The following FUS variants were observed in gnomAD, a reference collection of about 807,000 sequenced individuals.
The protein encoded by FUS is RNA-binding protein FUS.
In FUS, 5 loss-of-function variants were observed where a neutral mutation model predicts 82.7. The observed-to-expected ratio is 0.06, with a 90% CI of 0.03 to 0.13. FUS has a LOEUF of 0.13. Ranked by LOEUF, FUS falls within the 10% of genes least tolerant of loss-of-function variation. The probability of loss-of-function intolerance (pLI) is 1.00; values close to 1 mark genes in which losing one functional copy is unlikely to be tolerated. For synonymous variants in FUS, 281 were observed against 247.4 expected (o/e 1.14, Z -1.27); for missense variants, 512 against 707.8 (o/e 0.72, Z 3.14).
chr16:31,182,979 G>T (rs2079203827), intron 3 of FUS: 2 of 393,326 alleles, frequency 5.1e-6, no homozygotes, highest in African/African-American at 4.1e-5. Context: ...AAAGTGCTGG[G>T]ATTACAGGCG....
chr16:31,180,828 C>T (rs775472622), intron 1 of FUS, among the ~76,000 whole-genome samples: 1 of 152,208 alleles, frequency 6.6e-6, no homozygotes, highest in Non-Finnish European at 1.5e-5. Context: ...ATCGGGGCCG[C>T]CCTCTAGCTT....
At position 31,190,951 on chromosome 16, in the gene FUS, C is replaced by A; in HGVS notation, c.1394-12C>A. ...AATGGGAATATGATAGATCTTGTTT[C>A]TTTTGTCCTAGGGGGTAACTACGGG... is the stretch of plus-strand genomic sequence containing the variant. On this transcript the variant is annotated splice_polypyrimidine_tract_variant and intron_variant, in intron 13 of 14. Coordinates refer to ENST00000254108, the MANE Select transcript of FUS (RefSeq NM_004960.4). 2 of 1,610,490 alleles carry A rather than the reference C, an allele frequency of 1.2e-6. No homozygotes were observed. The highest frequency in any genetic ancestry group is 1.7e-6 in the Non-Finnish European group (2 of 1,177,456).
In FUS at chr16:31,190,981, A is replaced by G; in HGVS notation, c.1412A>G (p.Asp471Gly). 1 of 1,613,242 alleles carries G rather than the reference A, an allele frequency of 6.2e-7. No individual in the cohort carries two copies. Among genetic ancestry groups the G allele is most frequent in the South Asian group, 1.1e-5 (1 of 91,022 alleles). ...GTCCTAGGGGGTAACTACGGGGATGATCGTCGTGGTGGCAGAGGAGGCTAT... is the reference window on the plus strand; with the variant it reads ...GTCCTAGGGGGTAACTACGGGGATGGTCGTCGTGGTGGCAGAGGAGGCTAT... ...GSHMGGNYGD[D>G]RRGGRGGYDR... is the part of the protein sequence containing the mutation. Residue 471 changes from aspartate to glycine, a missense_variant, in exon 14 of 15, where the codon GAT (aspartate) becomes GGT (glycine). By Grantham distance (94) the Asp-to-Gly change is moderately conservative. Transcript: ENST00000254108.
upstream of FUS, chr16:31,180,120 C>A (rs1240245054): frequency 6.5e-7 from 1 of 1,543,142 alleles, no homozygotes; most frequent in Admixed American, 1.9e-5. Flanking sequence ...ACTTAAGCTT[C>A]GACGCAGGAG....
rs766133999 is a variant in FUS, at chr16:31,184,970, T to G, written c.555T>G (p.Ser185Arg). The change falls in exon 6 of 15, where the codon AGT (serine) becomes AGG (arginine). Residue 185 changes from serine (S) to arginine (R), a missense_variant. By Grantham distance (110) the Ser-to-Arg change is moderately radical (BLOSUM62 -1). Around this residue, in one of 6 missense-constraint regions of FUS, gnomAD observed 276 missense variants for 303.3 expected, o/e 0.91. Coordinates refer to ENST00000254108, the MANE Select transcript of FUS (RefSeq NM_004960.4). ...ATGGCCAAGATCAATCCTCCATGAG[T>G]AGTGGTGGTGGCAGTGGTGGCGGTT... ...GNYGQDQSSM[S>R]SGGGSGGGYG... 2 of 1,613,464 alleles carry G rather than the reference T, an allele frequency of 1.2e-6. No individual in the cohort carries two copies.
chr16:31,187,047 C>G (rs953584144), intron 7 of FUS: 1 of 620,682 alleles, frequency 1.6e-6, no homozygotes, highest in African/African-American at 1.8e-5. Context: ...CATCTTTTAC[C>G]AAATGGGTTT....
At chr16:31,182,312 C>T (rs950564123) in intron 1 of FUS, 86 bp from the exon 2 acceptor site, 16 of 1,496,154 alleles carry the variant, frequency 1.1e-5, no homozygotes, top group East Asian at 9.0e-5. Context: ...TTTTATTCAT[C>T]AGTGCTTGAG....
At chr16:31,182,175 G>A (rs1353609078) in intron 1 of FUS, 2 of 567,996 alleles carry the variant, frequency 3.5e-6, no homozygotes, top group Non-Finnish European at 6.4e-6. Context: ...ATTTTTATTA[G>A]AGATGGGGCT....
intron 6 of FUS, chr16:31,185,523 T>C (rs1019456536): frequency 3.5e-6 from 2 of 572,948 alleles, no homozygotes; most frequent in Admixed American, 2.2e-5. Flanking sequence ...GGGAAACCGA[T>C]GATCCCACTC....
At chr16:31,194,115 A>G (rs1285025493), downstream of FUS, 5 of 533,090 alleles carry the variant, frequency 9.4e-6, no homozygotes, top group Non-Finnish European at 1.8e-5. Context: ...TAGCCCTTTC[A>G]GCTTTTTTCC....
At position 31,185,769 on chromosome 16, in the gene FUS, CAG is replaced by C. The variant is rs769536195; in HGVS notation, c.764+591_764+592del. 7.7e-4 allele frequency: 251 copies of C among 325,692 alleles called. 1 individual carries two copies. Among genetic ancestry groups the C allele is most frequent in the East Asian group, 5.1e-4 (10 of 19,678 alleles). 20.2% of individuals were successfully genotyped at this position (325,692 alleles called of 1,614,324 possible). ...CCTTTTGGGCAAAAATATGCTTTGA[CAG>C]TGGTCTCCCACCTATTTGTTCCACT... On this transcript the variant is annotated intron_variant, in intron 6 of 14. Coordinates refer to ENST00000254108, the MANE Select transcript of FUS (RefSeq NM_004960.4).
In FUS at chr16:31,184,350, C is replaced by G. The variant is rs1278465761; in HGVS notation, c.477C>G (p.Asn159Lys). 2 of 1,613,926 alleles carry G rather than the reference C, an allele frequency of 1.2e-6. No individual in the cohort carries two copies. The highest frequency in any genetic ancestry group is 1.7e-5 in the Admixed American group (1 of 59,990). Reference sequence around the variant, plus strand: ...CCCCTCAGGGCTATGGACAGCAGAACCAGTACAACAGCAGCAGTGGTGGTG... The same window carrying G: ...CCCCTCAGGGCTATGGACAGCAGAAGCAGTACAACAGCAGCAGTGGTGGTG... ...YNPPQGYGQQ[N>K]QYNSSSGGGG... is the part of the protein sequence containing the mutation. Residue 159 changes from asparagine to lysine, a missense_variant, in exon 5 of 15, where the codon AAC becomes AAG. Transcript: ENST00000254108.
At position 31,180,311 on chromosome 16, in the gene FUS, C is replaced by T; in HGVS notation, c.13+84C>T. ...CTTTTCGTTTTCAGTGGGACCGGGG[C>T]GGCGATCCCGTGTGGGATTTTTTGG... On this transcript the variant is annotated intron_variant, in intron 1 of 14. Coordinates refer to ENST00000254108, the MANE Select transcript of FUS (RefSeq NM_004960.4). 5.3e-6 allele frequency: 8 copies of T among 1,520,336 alleles called. No individual in the cohort carries two copies. In the East Asian group the frequency reaches 7.2e-5, roughly 14 times the overall value. 94.2% of individuals were successfully genotyped at this position (1,520,336 alleles called of 1,614,324 possible). A position where few individuals can be genotyped will look rare whatever the true frequency, so the allele number is the denominator to read the frequency against.
At chr16:31,188,255 C>T in intron 7 of FUS, 70 bp from the exon 8 acceptor site, 1 of 1,534,540 alleles carries the variant, frequency 6.5e-7, no homozygotes, top group Non-Finnish European at 8.9e-7. Flanking sequence ...CCGTTTTTTC[C>T]TGTTGACTAA....
At position 31,184,438 on chromosome 16, in the gene FUS, C is replaced by CTT. The variant is rs370126678; in HGVS notation, c.523+58_523+59dup. On this transcript the variant is annotated intron_variant, in intron 5 of 14. Transcript: ENST00000254108. ...TTTGTCTGCAGCCCATTTTCTTTTT[C>CTT]TTTTTTTTTTTTTTTTTGAGACGGA... 5.7e-3 allele frequency: 6,879 copies of CTT among 1,201,714 alleles called. 41 individuals are homozygous for CTT. The highest frequency in any genetic ancestry group is 0.036 in the African/African-American group (2,063 of 58,012). The allele number at this position is 1,201,714 out of a possible 1,614,324, so 74.4% of individuals were successfully genotyped here.
chr16:31,189,209 C>A lies in FUS; in HGVS notation c.919C>A (p.Gln307Lys). Reference protein sequence around the residue: ...TIESVADYFKQIGIIKTNKKT... With the variant: ...TIESVADYFKKIGIIKTNKKT... Reference sequence around the variant, plus strand: ...TGAGTCTGTGGCTGATTACTTCAAGCAGATTGGTATTATTAAGGTACTTGT... The same window carrying A: ...TGAGTCTGTGGCTGATTACTTCAAGAAGATTGGTATTATTAAGGTACTTGT... Residue 307 changes from glutamine (Q) to lysine (K), a missense_variant, in exon 9 of 15, where the codon CAG becomes AAG. Physicochemically the swap from Gln to Lys is moderately conservative, Grantham distance 53. Coordinates refer to ENST00000254108, the MANE Select transcript of FUS (RefSeq NM_004960.4). 1 of 1,611,720 alleles carries A rather than the reference C, an allele frequency of 6.2e-7. No homozygotes were observed. The highest frequency in any genetic ancestry group is 8.5e-7 in the Non-Finnish European group (1 of 1,177,872).
chr16:31,192,783 C>G, downstream of FUS: 1 of 480,446 alleles, frequency 2.1e-6, no homozygotes, highest in Non-Finnish European at 4.1e-6. Context: ...GTTGGCCAGG[C>G]TGGTCTCTTA....
At position 31,185,244 on chromosome 16, in the gene FUS, TGA is replaced by T; in HGVS notation, c.764+66_764+67del. The stretch of plus-strand genomic sequence containing the variant: ...GTGTGGAGGATTGCATGAATCTCCC[TGA>T]AGCCAGTCCCTAGTGCATGGTTTAG... On this transcript the variant is annotated intron_variant, in intron 6 of 14. Coordinates refer to ENST00000254108, the MANE Select transcript of FUS (RefSeq NM_004960.4). 3.3e-6 allele frequency: 5 copies of T among 1,511,762 alleles called. No individual in the cohort carries two copies. The African/African-American group carries it at 4.1e-5, about 12-fold the overall frequency. The allele number at this position is 1,511,762 out of a possible 1,614,324, so 93.6% of individuals were successfully genotyped here. A position where few individuals can be genotyped will look rare whatever the true frequency, so the allele number is the denominator to read the frequency against.
chr16:31,180,917 T>C (rs565602925), intron 1 of FUS, among the ~76,000 whole-genome samples: 2 of 136,466 alleles, frequency 1.5e-5, no homozygotes, highest in Admixed American at 1.5e-4. Flanking sequence ...TAAATTTCTT[T>C]CTTTTTTTTT....
Sources: gnomAD v4.1 joint callset for allele counts (sites outside exome capture counted in the v4.1 genomes callset) on GRCh38, gnomAD v4.1.1 for gene constraint, gnomAD v4.1.1 regional missense constraint, MANE v1.5 for transcripts, NCBI Gene and HGNC (gene_info 2026-07-23, HGNC 2026-07-21) for gene names.